The following LYPD5 variants were observed in gnomAD, a reference collection of about 807,000 sequenced individuals.
LYPD5 encodes LY6/PLAUR domain containing 5.
Under a neutral mutation model 19.1 loss-of-function variants are expected in LYPD5, and 21 were observed. The observed-to-expected ratio is 1.10, with a 90% CI of 0.78 to 1.58. The LOEUF (loss-of-function observed/expected upper bound fraction) is 1.58, where lower values mean the gene tolerates loss of function less well. Ranked by LOEUF, LYPD5 falls within the 40% of genes most tolerant of loss-of-function variation. The pLI, the probability that LYPD5 is intolerant of heterozygous loss-of-function variation, is 0.00. For missense variants in LYPD5, 287 were observed against 329.8 expected, an observed-to-expected ratio of 0.87 and a Z score of 1.00; for synonymous variants, 128 against 142.7, an observed-to-expected ratio of 0.90 and a Z score of 0.74.
intron 1 of LYPD5, among the ~76,000 whole-genome samples, chr19:43,812,440 T>C (rs1199799637): frequency 6.6e-6 from 1 of 152,188 alleles, no homozygotes. Flanking sequence ...TTATCATCTA[T>C]TATTTGTCTA....
intron 1 of LYPD5, among the ~76,000 whole-genome samples, chr19:43,800,610 C>T (rs1335256677): frequency 6.6e-6 from 1 of 152,026 alleles, no homozygotes; most frequent in Non-Finnish European, 1.5e-5. Flanking sequence ...CCAGAGGCCA[C>T]AATTATGCGA....
chr19:43,806,479 A>C (rs1182653695), upstream of LYPD5, among the ~76,000 whole-genome samples: 3 of 152,078 alleles, frequency 2.0e-5, no homozygotes, highest in African/African-American at 7.2e-5. Flanking sequence ...CCTGGTCAAC[A>C]TGGTGAAACC....
rs1970134531 is a variant in LYPD5, at chr19:43,796,696, T to C, written c.*895A>G. On this transcript the variant is annotated 3_prime_UTR_variant, in exon 5 of 5. Coordinates refer to ENST00000377950, the MANE Select transcript of LYPD5 (RefSeq NM_001031749.3). The stretch of plus-strand genomic sequence containing the variant: ...GCTGGGAATCTGGTCCCTGAATCCA[T>C]ACTCACTAGATACACAAGCTCAACC... 1.3e-5 allele frequency: 2 copies of C among 152,208 alleles called. No individual in the cohort carries two copies. Among genetic ancestry groups the C allele is most frequent in the African/African-American group, 2.4e-5 (1 of 41,450 alleles). 9.4% of individuals were successfully genotyped at this position (152,208 alleles called of 1,614,324 possible).
At position 43,798,936 on chromosome 19, in the gene LYPD5, A is replaced by C. The variant is rs938447378; in HGVS notation, c.246T>G (p.Pro82=). The C allele has an allele frequency of 6.3e-7, 1 of 1,592,330 alleles. No homozygotes were observed. The highest frequency in any genetic ancestry group is 2.3e-5 in the East Asian group (1 of 44,044). ...CCGCGTTCGATTGCGTCTGGCCCGC[A>C]GGAGGCCCGGTCCAGCAGCCCTTCC... ...LVRKGCWTGP[P]AGQTQSNADA... The change falls in exon 3 of 5, where the codon CCT becomes CCG. Residue 82 remains proline (P), a synonymous_variant. Coordinates refer to ENST00000377950, the MANE Select transcript of LYPD5 (RefSeq NM_001031749.3).
intron 4 of LYPD5, among the ~76,000 whole-genome samples, chr19:43,798,142 TCCC>T (rs1484525077): frequency 2.4e-5 from 3 of 125,544 alleles, no homozygotes; most frequent in African/African-American, 6.3e-5. Context: ...GCCAGGCTTC[TCCC>T]TCAGACCAGG....
intron 1 of LYPD5, among the ~76,000 whole-genome samples, chr19:43,811,121 A>T (rs1212794096): frequency 6.6e-6 from 1 of 152,042 alleles, no homozygotes; most frequent in African/African-American, 2.4e-5. Context: ...AAAAGGTGAG[A>T]GGTGAATATT....
At chr19:43,810,690 C>T (rs1305988091) in intron 1 of LYPD5, among the ~76,000 whole-genome samples, 6 of 150,748 alleles carry the variant, frequency 4.0e-5, no homozygotes, top group South Asian at 4.2e-4. Flanking sequence ...TGGAATGCAG[C>T]GATCTTGGCT....
At position 43,813,487 on chromosome 19, in the gene LYPD5, C is replaced by T. The variant is rs950372072; in HGVS notation, c.-66+7053G>A. Among the ~76,000 whole-genome samples, 20 of 152,206 alleles carry T rather than the reference C, an allele frequency of 1.3e-4. No homozygotes were observed. The East Asian group carries it at 2.5e-3, about 19-fold the overall frequency. ...CTTTCCTTATAAATTACCTAGACTCCGGCATTCCCTTATTGCAATGCCAAA... is the reference window on the plus strand; with the variant it reads ...CTTTCCTTATAAATTACCTAGACTCTGGCATTCCCTTATTGCAATGCCAAA... On this transcript the variant is annotated intron_variant, in intron 1 of 4. Coordinates refer to the LYPD5 transcript ENST00000414615.
upstream of LYPD5, among the ~76,000 whole-genome samples, chr19:43,806,255 T>C (rs1245164510): frequency 6.6e-6 from 1 of 152,216 alleles, no homozygotes; most frequent in African/African-American, 2.4e-5. Context: ...TGAATCCTAT[T>C]GTGAATTGCG....
chr19:43,797,390 C>T lies in LYPD5; in HGVS notation c.*201G>A, dbSNP rs73938010. On this transcript the variant is annotated 3_prime_UTR_variant, in exon 5 of 5. Coordinates refer to ENST00000377950, the MANE Select transcript of LYPD5 (RefSeq NM_001031749.3). ...CACGACATGGCTGTTTTGCCCTCCC[C>T]GGGGATGCTGGTGACTGTGTCCAGT... is the stretch of plus-strand genomic sequence containing the variant. 2,422 of 567,178 alleles carry T rather than the reference C, an allele frequency of 4.3e-3. 49 individuals carry two copies. The highest frequency in any genetic ancestry group is 0.039 in the African/African-American group (2,081 of 53,284). 35.1% of individuals were successfully genotyped at this position (567,178 alleles called of 1,614,324 possible). A position where few individuals can be genotyped will look rare whatever the true frequency, so the allele number is the denominator to read the frequency against.
At chr19:43,802,840 C>T (rs1341459457), upstream of LYPD5, among the ~76,000 whole-genome samples, 1 of 152,200 alleles carries the variant, frequency 6.6e-6, no homozygotes, top group Non-Finnish European at 1.5e-5. Flanking sequence ...CCCCACTCAT[C>T]CACACACCCT....
At chr19:43,809,601 A>G (rs1599697122) in intron 1 of LYPD5, among the ~76,000 whole-genome samples, 1 of 151,514 alleles carries the variant, frequency 6.6e-6, no homozygotes, top group South Asian at 2.1e-4. Flanking sequence ...CATGTTGGTC[A>G]CTCTGGTTTT....
At position 43,796,851 on chromosome 19, in the gene LYPD5, T is replaced by A. The variant is rs977354432; in HGVS notation, c.*740A>T. Reference sequence around the variant, plus strand: ...CGTTGAATCCTCACTGCAACTACTGTGAAGTAGTTCTTGTCATGTTATAGA... The same window carrying A: ...CGTTGAATCCTCACTGCAACTACTGAGAAGTAGTTCTTGTCATGTTATAGA... On this transcript the variant is annotated 3_prime_UTR_variant, in exon 5 of 5. Transcript: ENST00000377950. 3 of 152,262 alleles carry A rather than the reference T, an allele frequency of 2.0e-5. No individual in the cohort carries two copies. The highest frequency in any genetic ancestry group is 2.9e-5 in the Non-Finnish European group (2 of 68,058). 9.4% of individuals were successfully genotyped at this position (152,262 alleles called of 1,614,324 possible).
upstream of LYPD5, among the ~76,000 whole-genome samples, chr19:43,806,303 TATA>T (rs1368552445): frequency 6.6e-6 from 1 of 152,144 alleles, no homozygotes; most frequent in Non-Finnish European, 1.5e-5. Context: ...CTTATGAGAT[TATA>T]ATGCCTGATG....
At chr19:43,798,127 G>A (rs1365511507) in intron 4 of LYPD5, among the ~76,000 whole-genome samples, 8 of 34,860 alleles carry the variant, frequency 2.3e-4, no homozygotes, top group Admixed American at 9.6e-4. Flanking sequence ...CTTCCTCAGA[G>A]CAGGGCCAGG....
chr19:43,815,490 AC>A (rs1285454846), intron 1 of LYPD5, among the ~76,000 whole-genome samples: 1 of 151,872 alleles, frequency 6.6e-6, no homozygotes, highest in Non-Finnish European at 1.5e-5. Flanking sequence ...GGGAGGATCT[AC>A]TTGAGCCAGG....
At chr19:43,807,639 T>G (rs1970283379) in intron 1 of LYPD5, among the ~76,000 whole-genome samples, 1 of 152,212 alleles carries the variant, frequency 6.6e-6, no homozygotes, top group South Asian at 2.1e-4. Flanking sequence ...TGTTGCAGGC[T>G]AGGCTCTCCT....
At chr19:43,810,111 G>T (rs545763908) in intron 1 of LYPD5, among the ~76,000 whole-genome samples, 1 of 152,314 alleles carries the variant, frequency 6.6e-6, no homozygotes, top group South Asian at 2.1e-4. Context: ...GATATGAATA[G>T]CACCTCCTTA....
intron 1 of LYPD5, among the ~76,000 whole-genome samples, chr19:43,814,908 T>C (rs1020035958): frequency 6.6e-6 from 1 of 152,212 alleles, no homozygotes; most frequent in Admixed American, 6.5e-5. Context: ...ATACTTGATG[T>C]CCCATGGTCA....
Sources: gnomAD v4.1 joint callset for allele counts (sites outside exome capture counted in the v4.1 genomes callset) on GRCh38, gnomAD v4.1.1 for gene constraint, MANE v1.5 for transcripts, NCBI Gene and HGNC (gene_info 2026-07-23, HGNC 2026-07-21) for gene names.